The following PTPN13 variants were observed in gnomAD, a reference collection of about 807,000 sequenced individuals.
The protein encoded by PTPN13 is tyrosine-protein phosphatase non-receptor type 13.
A neutral mutation model predicts 284.0 loss-of-function variants in PTPN13; 191 were observed. The observed-to-expected ratio is 0.67, with a 90% CI of 0.60 to 0.76. The LOEUF (loss-of-function observed/expected upper bound fraction) is 0.76, where lower values mean the gene tolerates loss of function less well. Ranked by LOEUF, PTPN13 falls within the 30% of genes least tolerant of loss-of-function variation. The pLI is 0.00. For synonymous variants in PTPN13, 986 were observed against 1,022.3 expected (o/e 0.96, Z 0.68); for missense variants, 2,797 against 2,939.9 (o/e 0.95, Z 1.12).
In PTPN13 at chr4:86,729,891, G is replaced by A. The variant is rs1243223359; in HGVS notation, c.1609-2509G>A. Among the ~76,000 whole-genome samples, 4 of 149,812 alleles carry A rather than the reference G, an allele frequency of 2.7e-5. No individual in the cohort carries two copies. The East Asian group carries it at 5.8e-4, about 22-fold the overall frequency. ...TCCAGCTTTGTTCGTTTGCTGGTGA[G>A]GAGCTGCAGTCCTTTGGAGGAGAAG... On this transcript the variant is annotated intron_variant, in intron 10 of 47. Coordinates refer to ENST00000411767, the MANE Select transcript of PTPN13 (RefSeq NM_080683.3).
chr4:86,753,064 T>C lies in PTPN13; in HGVS notation c.3222T>C (p.Asn1074=). Residue 1074 remains asparagine (N), a splice_region_variant and synonymous_variant, in exon 20 of 48, where the codon AAT becomes AAC. Coordinates refer to ENST00000411767, the MANE Select transcript of PTPN13 (RefSeq NM_080683.3). ...CATCCCAAGTACCCTTAAAAGAAAA[T>C]GGTAGGTTTACAAAATGTTTTTCCC... ...NSSSQVPLKE[N]DVLHKRWSIV... 6.2e-7 allele frequency: 1 copy of C among 1,603,402 alleles called. No individual in the cohort carries two copies. The highest frequency in any genetic ancestry group is 8.5e-7 in the Non-Finnish European group (1 of 1,171,890).
Position 86,775,355 on chromosome 4 carries a change from C to G in PTPN13, c.5680+13C>G, listed in dbSNP as rs746819605. The G allele has an allele frequency of 6.2e-7, 1 of 1,609,226 alleles. No individual in the cohort carries two copies. The highest frequency in any genetic ancestry group is 1.1e-5 in the South Asian group (1 of 90,182). Reference sequence around the variant, plus strand: ...AAAGAGGAGTTGGGTAATGAAAAGTCAAACTTTGTACAATATGATTTTCTT... The same window carrying G: ...AAAGAGGAGTTGGGTAATGAAAAGTGAAACTTTGTACAATATGATTTTCTT... On this transcript the variant is annotated intron_variant, in intron 34 of 47. Coordinates refer to ENST00000411767, the MANE Select transcript of PTPN13 (RefSeq NM_080683.3).
intron 3 of PTPN13, among the ~76,000 whole-genome samples, chr4:86,684,382 A>T (rs1729221902): frequency 6.6e-6 from 1 of 152,188 alleles, no homozygotes; most frequent in Non-Finnish European, 1.5e-5. Context: ...ACAGAAAATT[A>T]TCTAGATGTG....
At chr4:86,733,594 CAATA>C (rs1008621868) in intron 12 of PTPN13, among the ~76,000 whole-genome samples, 101 of 152,128 alleles carry the variant, frequency 6.6e-4, no homozygotes, top group African/African-American at 2.1e-3. Context: ...TAGACTCATA[CAATA>C]AATAGTCAAT....
At chr4:86,778,096 C>T (rs1740860791) in intron 35 of PTPN13, among the ~76,000 whole-genome samples, 1 of 152,154 alleles carries the variant, frequency 6.6e-6, no homozygotes, top group South Asian at 2.1e-4. Flanking sequence ...TGTTCTTCTT[C>T]TAGCTCTCTC....
chr4:86,719,754 G>A (rs1578489935), intron 9 of PTPN13, among the ~76,000 whole-genome samples: 1 of 152,038 alleles, frequency 6.6e-6, no homozygotes, highest in Non-Finnish European at 1.5e-5. Flanking sequence ...AATGCTTGTA[G>A]GCTGCATGTA....
chr4:86,669,450 A>G (rs941602858), intron 2 of PTPN13, among the ~76,000 whole-genome samples: 2 of 152,004 alleles, frequency 1.3e-5, no homozygotes, highest in African/African-American at 2.4e-5. Flanking sequence ...GCTATAAATA[A>G]GTATGATTAT....
rs760016961 is a variant in PTPN13, at chr4:86,701,758, A to C, written c.1152A>C (p.Arg384Ser). ...ISSALDRIRE[R>S]QKKLQVLREA... ...GTGCTTTGGACCGAATCCGAGAGAG[A>C]CAAAAGAAACTTCAGGTTCTGAGGG... Residue 384 changes from arginine to serine, a missense_variant, in exon 7 of 48, where the codon AGA (arginine) becomes AGC (serine). Coordinates refer to ENST00000411767, the MANE Select transcript of PTPN13 (RefSeq NM_080683.3). 3.1e-6 allele frequency: 5 copies of C among 1,613,294 alleles called. No homozygotes were observed. The East Asian group carries it at 1.1e-4, about 36-fold the overall frequency.
chr4:86,677,549 G>A (rs1565301056), intron 3 of PTPN13, among the ~76,000 whole-genome samples: 1 of 151,334 alleles, frequency 6.6e-6, no homozygotes, highest in Non-Finnish European at 1.5e-5. Context: ...GCTTGACCTC[G>A]TGATCCATCT....
At chr4:86,638,685 G>A (rs1198875015) in intron 2 of PTPN13, among the ~76,000 whole-genome samples, 2 of 151,900 alleles carry the variant, frequency 1.3e-5, no homozygotes, top group Non-Finnish European at 2.9e-5. Context: ...AATTCAAGAT[G>A]GATTAAAGAT....
At chr4:86,749,052 C>T (rs1282999885) in intron 17 of PTPN13, among the ~76,000 whole-genome samples, 1 of 152,154 alleles carries the variant, frequency 6.6e-6, no homozygotes, top group Admixed American at 6.5e-5. Flanking sequence ...AGAGAGAGAT[C>T]ATTGAATTTT....
In PTPN13 at chr4:86,803,768, T is replaced by G; in HGVS notation, c.6565T>G (p.Ser2189Ala). The G allele has an allele frequency of 6.2e-7, 1 of 1,613,952 alleles. No individual in the cohort carries two copies. Among genetic ancestry groups the G allele is most frequent in the Non-Finnish European group, 8.5e-7 (1 of 1,179,834 alleles). Residue 2189 changes from serine to alanine, a missense_variant, in exon 43 of 48, where the codon TCT (serine) becomes GCT (alanine). By Grantham distance (99) the Ser-to-Ala change is moderately conservative. Coordinates refer to ENST00000411767, the MANE Select transcript of PTPN13 (RefSeq NM_080683.3). ...AVLPVVKVLP[S>A]GKYTGANLKS... ...ACTCCCTGTCGTCAAAGTGCTTCCC[T>G]CTGGTAAATACACGGGTGCCAACTT...
At chr4:86,608,133 G>A (rs1764957685) in intron 1 of PTPN13, among the ~76,000 whole-genome samples, 1 of 151,872 alleles carries the variant, frequency 6.6e-6, no homozygotes, top group Non-Finnish European at 1.5e-5. Flanking sequence ...CATAACTATT[G>A]TTTTTGTGTT....
chr4:86,614,892 G>A (rs867230779), intron 1 of PTPN13, among the ~76,000 whole-genome samples: 1 of 152,110 alleles, frequency 6.6e-6, no homozygotes, highest in Admixed American at 6.5e-5. Context: ...AAACCTGGTT[G>A]TATTATAATT....
chr4:86,673,355 A>G (rs1727926005), intron 3 of PTPN13, among the ~76,000 whole-genome samples: 1 of 152,238 alleles, frequency 6.6e-6, no homozygotes, highest in East Asian at 1.9e-4. Flanking sequence ...GAATGAATAG[A>G]CTTCAGATAA....
intron 2 of PTPN13, among the ~76,000 whole-genome samples, chr4:86,645,124 A>G (rs1197398117): frequency 6.6e-6 from 1 of 152,126 alleles, no homozygotes; most frequent in Non-Finnish European, 1.5e-5. Context: ...TGAGCCCAGG[A>G]GGTTGCAGTG....
chr4:86,735,018 A>G, intron 14 of PTPN13, 143 bp downstream of exon 14: 1 of 880,234 alleles, frequency 1.1e-6, no homozygotes, highest in Non-Finnish European at 1.7e-6. Flanking sequence ...ATGACCAAGC[A>G]CTCCATGTAT....
At chr4:86,735,802 A>G in intron 15 of PTPN13, 56 bp downstream of exon 15, 1 of 1,507,416 alleles carries the variant, frequency 6.6e-7, no homozygotes, top group South Asian at 1.3e-5. Context: ...GTAAGCAAGA[A>G]GTGTTAGAGG....
At chr4:86,662,023 A>C (rs1726548295) in intron 2 of PTPN13, among the ~76,000 whole-genome samples, 1 of 152,246 alleles carries the variant, frequency 6.6e-6, no homozygotes, top group South Asian at 2.1e-4. Flanking sequence ...CTGCTGCTTT[A>C]TAAAAGTCCT....
Sources: gnomAD v4.1 joint callset for allele counts (sites outside exome capture counted in the v4.1 genomes callset) on GRCh38, gnomAD v4.1.1 for gene constraint, MANE v1.5 for transcripts, NCBI Gene and HGNC (gene_info 2026-07-23, HGNC 2026-07-21) for gene names.